DCDC2C: variants seen among roughly 807,000 people sequenced by gnomAD.
DCDC2C encodes doublecortin domain containing 2C.
A neutral mutation model predicts 45.0 loss-of-function variants in DCDC2C; 44 were observed. That is an observed-to-expected ratio of 0.98 (90% CI 0.77 to 1.26). The LOEUF (loss-of-function observed/expected upper bound fraction) is 1.26, where lower values mean the gene tolerates loss of function less well. Among genes scored for constraint, DCDC2C ranks in the 50% most tolerant of loss-of-function variants. The probability of loss-of-function intolerance (pLI) is 0.00; values close to 1 mark genes in which losing one functional copy is unlikely to be tolerated. For missense variants in DCDC2C, 447 were observed against 468.9 expected (o/e 0.95, Z 0.43); for synonymous variants, 187 against 178.8 (o/e 1.05, Z -0.37).
At chr2:3,779,951 G>C (rs1670466649) in intron 9 of DCDC2C, among the ~76,000 whole-genome samples, 1 of 152,150 alleles carries the variant, frequency 6.6e-6, no homozygotes, top group South Asian at 2.1e-4. Context: ...CAGGAAGTTA[G>C]TTCAGGTTTT....
chr2:3,763,779 G>A (rs1558215368), intron 6 of DCDC2C, among the ~76,000 whole-genome samples: 1 of 152,302 alleles, frequency 6.6e-6, no homozygotes, highest in East Asian at 1.9e-4. Context: ...ACCAAGTGAG[G>A]CACTTGCGCT....
At chr2:3,838,624 G>A (rs572267719) in intron 10 of DCDC2C, among the ~76,000 whole-genome samples, 4 of 152,142 alleles carry the variant, frequency 2.6e-5, no homozygotes, top group Non-Finnish European at 5.9e-5. Context: ...TAGGGAGGAG[G>A]ATGGGGTAAA....
intron 3 of DCDC2C, among the ~76,000 whole-genome samples, chr2:3,731,182 T>C (rs1252875301): frequency 6.6e-6 from 1 of 152,096 alleles, no homozygotes; most frequent in East Asian, 1.9e-4. Context: ...TAGGCGAGGG[T>C]GCAGTGGGAG....
At chr2:3,779,775 CT>C (rs35688291) in intron 9 of DCDC2C, among the ~76,000 whole-genome samples, 1 of 151,452 alleles carries the variant, frequency 6.6e-6, no homozygotes, top group Non-Finnish European at 1.5e-5. Context: ...CCGGGAGTCA[CT>C]TTTTTTTGCT....
At chr2:3,821,709 C>T (rs542758063) in intron 10 of DCDC2C, among the ~76,000 whole-genome samples, 2 of 152,342 alleles carry the variant, frequency 1.3e-5, no homozygotes, top group East Asian at 1.9e-4. Context: ...AATGTTGAGC[C>T]AGACTTGCAT....
At chr2:3,740,977 A>G (rs963343327) in intron 3 of DCDC2C, among the ~76,000 whole-genome samples, 4 of 152,218 alleles carry the variant, frequency 2.6e-5, no homozygotes, top group African/African-American at 4.8e-5. Context: ...CAATGATATC[A>G]TTTATTATTT....
At chr2:3,834,504 T>C (rs888521382) in intron 10 of DCDC2C, among the ~76,000 whole-genome samples, 2 of 152,202 alleles carry the variant, frequency 1.3e-5, no homozygotes, top group Non-Finnish European at 2.9e-5. Context: ...TCCAGACATC[T>C]TTCTGCTCCA....
At chr2:3,726,803 G>T (rs775716498) in intron 2 of DCDC2C, among the ~76,000 whole-genome samples, 200 bp from the exon 3 acceptor site, 19 of 151,798 alleles carry the variant, frequency 1.3e-4, no homozygotes, top group Non-Finnish European at 2.4e-4. Flanking sequence ...CCCTCGCGCT[G>T]CACTTGCTGG....
intron 2 of DCDC2C, among the ~76,000 whole-genome samples, chr2:3,726,577 T>C (rs1668693462): frequency 6.6e-6 from 1 of 152,172 alleles, no homozygotes; most frequent in Admixed American, 6.5e-5. Context: ...TGGAGTCTTG[T>C]AATGAAATCA....
At chr2:3,728,072 G>A (rs1410542992) in intron 3 of DCDC2C, among the ~76,000 whole-genome samples, 1 of 152,158 alleles carries the variant, frequency 6.6e-6, no homozygotes, top group Non-Finnish European at 1.5e-5. Flanking sequence ...AGCTCTTCAT[G>A]TGGGGGTCCC....
intron 8 of DCDC2C, among the ~76,000 whole-genome samples, chr2:3,770,564 C>G (rs1240419604): frequency 6.6e-6 from 1 of 152,162 alleles, no homozygotes; most frequent in African/African-American, 2.4e-5. Context: ...ATTTTCTTCG[C>G]AAATCCAAAC....
chr2:3,734,220 T>C lies in DCDC2C; in HGVS notation c.416+7141T>C, dbSNP rs1357588177. ...CTGTCTTCATGCAAGCCCGAGTAAATGATTCATTCAGCCACCTGGGCTGAT... is the reference window on the plus strand; with the variant it reads ...CTGTCTTCATGCAAGCCCGAGTAAACGATTCATTCAGCCACCTGGGCTGAT... On this transcript the variant is annotated intron_variant, in intron 3 of 10. Transcript: ENST00000399143. This position sits in a 1 kb window ranked among gnomAD's most constrained non-coding sequence, Gnocchi z 4.2. Among the ~76,000 whole-genome samples, 1 of 152,210 alleles carries C rather than the reference T, an allele frequency of 6.6e-6. No individual in the cohort carries two copies. Among genetic ancestry groups the C allele is most frequent in the Non-Finnish European group, 1.5e-5 (1 of 68,040 alleles).
At chr2:3,833,914 CT>C (rs1196483656) in intron 10 of DCDC2C, among the ~76,000 whole-genome samples, 2 of 152,180 alleles carry the variant, frequency 1.3e-5, no homozygotes, top group African/African-American at 4.8e-5. Flanking sequence ...TCTTCTCTAT[CT>C]TTTCAGGGTT....
At chr2:3,791,152 A>G (rs1396419978) in intron 10 of DCDC2C, among the ~76,000 whole-genome samples, 1 of 152,184 alleles carries the variant, frequency 6.6e-6, no homozygotes, top group Admixed American at 6.5e-5. Flanking sequence ...GAAAGCTTGT[A>G]TCCCTCTATA....
At chr2:3,713,235 G>T (rs777730947) in intron 2 of DCDC2C, among the ~76,000 whole-genome samples, 3 of 151,318 alleles carry the variant, frequency 2.0e-5, no homozygotes, top group Non-Finnish European at 2.9e-5. Context: ...TCTGATAGAT[G>T]TTCAAGCCCT....
intron 10 of DCDC2C, among the ~76,000 whole-genome samples, chr2:3,792,988 G>A (rs945990796): frequency 2.0e-5 from 3 of 152,156 alleles, no homozygotes; most frequent in Admixed American, 6.5e-5. Context: ...GAGATTCGCC[G>A]TTCAGAGTAC....
chr2:3,769,256 T>C (rs1323818097), intron 7 of DCDC2C, 55 bp from the exon 8 acceptor site: 3 of 1,503,814 alleles, frequency 2.0e-6, no homozygotes, highest in Non-Finnish European at 2.7e-6. Flanking sequence ...AAATATGCAG[T>C]GGACTCCAGC....
At position 3,799,639 on chromosome 2, in the gene DCDC2C, A is replaced by T. The variant is rs1168192495; in HGVS notation, c.1065+14539A>T. On this transcript the variant is annotated intron_variant, in intron 10 of 10. Coordinates refer to ENST00000399143, the MANE Select transcript of DCDC2C (RefSeq NM_001287444.2). Reference sequence around the variant, plus strand: ...GGAGTACCTGGCCATGTGAGGTGTCAGTCTGCCCCTGCTGGGGGGTGCCTC... The same window carrying T: ...GGAGTACCTGGCCATGTGAGGTGTCTGTCTGCCCCTGCTGGGGGGTGCCTC... Among the ~76,000 whole-genome samples the T allele has an allele frequency of 2.4e-4, 36 of 152,384 alleles. No homozygotes were observed. In the East Asian group the frequency reaches 6.6e-3, roughly 28 times the overall value.
intron 10 of DCDC2C, among the ~76,000 whole-genome samples, chr2:3,789,550 T>C (rs1437713483): frequency 2.0e-5 from 3 of 152,236 alleles, no homozygotes; most frequent in Non-Finnish European, 4.4e-5. Flanking sequence ...ATTATAATCA[T>C]GTCATTTTCA....
Sources: gnomAD v4.1 joint callset for allele counts (sites outside exome capture counted in the v4.1 genomes callset) on GRCh38, gnomAD v4.1.1 for gene constraint, Gnocchi (gnomAD v3.1) non-coding constraint, MANE v1.5 for transcripts, NCBI Gene and HGNC (gene_info 2026-07-23, HGNC 2026-07-21) for gene names.